The following MACROD2 variants were observed in gnomAD, a reference collection of about 807,000 sequenced individuals.
MACROD2 encodes the protein mono-ADP ribosylhydrolase 2, also known as ADP-ribose glycohydrolase MACROD2.
MACROD2 carries 36 observed loss-of-function variants against 70.4 expected under a neutral mutation model. The ratio of observed to expected loss-of-function variants is 0.51; its 90% CI spans 0.39 to 0.68. The LOEUF (loss-of-function observed/expected upper bound fraction) is 0.68. MACROD2 is among the 30% of genes least tolerant of loss of function. The pLI is 0.00. For synonymous variants in MACROD2, 172 were observed against 178.8 expected (o/e 0.96, Z 0.30); for missense variants, 496 against 538.4 (o/e 0.92, Z 0.78).
rs189682408 is a variant in MACROD2 at position 14,248,391 on chromosome 20, C to T, written c.271+162663C>T. ...CTGAGATCAAGAGTTCGAGACCAGC[C>T]TGATCAACATAGTGAAACGCTGTCT... On this transcript the variant is annotated intron_variant, in intron 3 of 17. Coordinates refer to ENST00000684519, the MANE Select transcript of MACROD2 (RefSeq NM_001351661.2). Among the ~76,000 whole-genome samples the T allele has an allele frequency of 2.8e-3, 432 of 152,292 alleles. 8 individuals carry two copies. Among genetic ancestry groups the T allele is most frequent in the Admixed American group, 0.027 (414 of 15,286 alleles).
At chr20:14,435,115 A>C (rs1403250894) in intron 3 of MACROD2, among the ~76,000 whole-genome samples, 5 of 152,192 alleles carry the variant, frequency 3.3e-5, no homozygotes, top group Non-Finnish European at 5.9e-5. Flanking sequence ...ATTCAGGGCC[A>C]CACTCACTCC....
chr20:15,345,563 G>A (rs1186424743), intron 6 of MACROD2, among the ~76,000 whole-genome samples: 1 of 152,174 alleles, frequency 6.6e-6, no homozygotes, highest in East Asian at 1.9e-4. Flanking sequence ...CTATTCAATA[G>A]ATTATTCAGT....
At chr20:15,977,414 ATT>A (rs1044895811) in intron 13 of MACROD2, among the ~76,000 whole-genome samples, 7 of 152,152 alleles carry the variant, frequency 4.6e-5, no homozygotes, top group Non-Finnish European at 1.0e-4. Context: ...AGAGGTTGTG[ATT>A]TGCCTAAAAC....
chr20:14,515,541 A>G (rs1251865709), intron 4 of MACROD2, among the ~76,000 whole-genome samples: 2 of 151,876 alleles, frequency 1.3e-5, no homozygotes, highest in East Asian at 3.9e-4. Flanking sequence ...AAATTCTGGC[A>G]TTTGTGACAA....
chr20:14,339,364 G>A (rs926656108), intron 3 of MACROD2, among the ~76,000 whole-genome samples: 8 of 152,110 alleles, frequency 5.3e-5, no homozygotes, highest in African/African-American at 1.9e-4. Flanking sequence ...GCTGAATTTT[G>A]GGAGGAAAGG....
chr20:15,206,768 C>T (rs1266059149), intron 5 of MACROD2, among the ~76,000 whole-genome samples: 6 of 68,930 alleles, frequency 8.7e-5, no homozygotes, highest in South Asian at 4.4e-4. Flanking sequence ...CTCGCTCTGT[C>T]GCCCAGGCCG....
chr20:15,762,871 A>G (rs2051458608), intron 8 of MACROD2, among the ~76,000 whole-genome samples: 2 of 152,222 alleles, frequency 1.3e-5, no homozygotes, highest in South Asian at 4.1e-4. Context: ...ATTTGAAAGA[A>G]TATGTGCCCA....
chr20:15,030,762 C>G (rs1422855517), intron 5 of MACROD2, among the ~76,000 whole-genome samples: 1 of 152,190 alleles, frequency 6.6e-6, no homozygotes, highest in Non-Finnish European at 1.5e-5. Flanking sequence ...AAGAAGATTA[C>G]AGGCAAAAGT....
chr20:15,470,576 G>A (rs954792631), intron 7 of MACROD2, among the ~76,000 whole-genome samples: 22 of 152,098 alleles, frequency 1.4e-4, no homozygotes, highest in African/African-American at 5.3e-4. Flanking sequence ...CCACTTTCTT[G>A]TCCTGCAGAG....
intron 6 of MACROD2, among the ~76,000 whole-genome samples, chr20:15,335,533 TG>T (rs1213513985): frequency 6.6e-6 from 1 of 151,602 alleles, no homozygotes; most frequent in African/African-American, 2.4e-5. Context: ...GTTAATTCTG[TG>T]ATTTTAAGTC....
chr20:14,570,659 T>A (rs1364590581), intron 4 of MACROD2, among the ~76,000 whole-genome samples: 2 of 151,956 alleles, frequency 1.3e-5, no homozygotes, highest in African/African-American at 4.8e-5. Context: ...AACTAATTGT[T>A]TGAATAAAAT....
intron 8 of MACROD2, among the ~76,000 whole-genome samples, chr20:15,585,973 C>T (rs1366814546): frequency 6.6e-6 from 1 of 152,136 alleles, no homozygotes; most frequent in Admixed American, 6.6e-5. Context: ...AAGTAAAGGG[C>T]TGGAGTATCT....
At chr20:15,937,892 T>C (rs1329647866) in intron 12 of MACROD2, among the ~76,000 whole-genome samples, 3 of 152,064 alleles carry the variant, frequency 2.0e-5, no homozygotes, top group Non-Finnish European at 4.4e-5. Context: ...TTACAGCCAC[T>C]CATCAGGAAA....
chr20:14,197,361 T>C (rs1174345599), intron 3 of MACROD2, among the ~76,000 whole-genome samples: 1 of 152,206 alleles, frequency 6.6e-6, no homozygotes, highest in Non-Finnish European at 1.5e-5. Flanking sequence ...ACCGAAAATA[T>C]TTTTAGTCTT....
intron 6 of MACROD2, among the ~76,000 whole-genome samples, chr20:15,274,959 C>T (rs1367027148): frequency 1.3e-5 from 2 of 151,706 alleles, no homozygotes; most frequent in South Asian, 2.1e-4. Context: ...GGTGGCGAGG[C>T]GTGAGGCATA....
chr20:14,895,655 T>G (rs1157408454), intron 5 of MACROD2: 1 of 152,066 alleles, frequency 6.6e-6, no homozygotes, highest in Non-Finnish European at 1.5e-5. Context: ...GGTGGGGAGG[T>G]AGCCTCTTTA....
At chr20:14,047,579 A>G (rs1053688409) in intron 2 of MACROD2, among the ~76,000 whole-genome samples, 1 of 152,138 alleles carries the variant, frequency 6.6e-6, no homozygotes, top group Non-Finnish European at 1.5e-5. Context: ...TGGGTAGTGG[A>G]CATAAAGGTA....
chr20:14,270,405 T>C (rs2082181857), intron 3 of MACROD2, among the ~76,000 whole-genome samples: 1 of 152,024 alleles, frequency 6.6e-6, no homozygotes. Flanking sequence ...ACCTGGCCAA[T>C]ATGTTGAAAC....
intron 8 of MACROD2, among the ~76,000 whole-genome samples, chr20:15,546,913 C>T (rs771400981): frequency 3.3e-5 from 5 of 152,098 alleles, no homozygotes; most frequent in Non-Finnish European, 7.4e-5. Flanking sequence ...AAAAGGAATC[C>T]CCTTTTCCAA....
Sources: gnomAD v4.1 joint callset for allele counts (sites outside exome capture counted in the v4.1 genomes callset) on GRCh38, gnomAD v4.1.1 for gene constraint, MANE v1.5 for transcripts, NCBI Gene and HGNC (gene_info 2026-07-23, HGNC 2026-07-21) for gene names.